DLG2: variants seen among roughly 807,000 people sequenced by gnomAD.
DLG2 encodes discs large MAGUK scaffold protein 2, also known as disks large homolog 2.
Under a neutral mutation model 132.5 loss-of-function variants are expected in DLG2, and 45 were observed. The ratio of observed to expected loss-of-function variants is 0.34; its 90% CI spans 0.27 to 0.44. The LOEUF is 0.44. DLG2 is among the 20% of genes least tolerant of loss of function. The probability of loss-of-function intolerance (pLI) is 1.00; values close to 1 mark genes in which losing one functional copy is unlikely to be tolerated. For missense variants in DLG2, 1,045 were observed against 1,196.9 expected, an observed-to-expected ratio of 0.87 and a Z score of 1.87; for synonymous variants, 424 against 419.6, an observed-to-expected ratio of 1.01 and a Z score of -0.13.
chr11:84,931,109 C>T (rs2048032426), intron 6 of DLG2, among the ~76,000 whole-genome samples: 1 of 152,054 alleles, frequency 6.6e-6, no homozygotes, highest in Admixed American at 6.6e-5. Flanking sequence ...CTTGAAACAC[C>T]CTTACCCTAC....
intron 15 of DLG2, among the ~76,000 whole-genome samples, chr11:83,894,122 C>T (rs2070825973): frequency 6.6e-6 from 1 of 152,192 alleles, no homozygotes; most frequent in African/African-American, 2.4e-5. Flanking sequence ...TCGTCTACCT[C>T]ATATTTGCTA....
chr11:83,833,535 G>T, intron 17 of DLG2, 79 bp downstream of exon 17: 1 of 1,408,986 alleles, frequency 7.1e-7, no homozygotes, highest in South Asian at 1.5e-5. Flanking sequence ...GGTGCTTTTG[G>T]TATCATAATT....
intron 18 of DLG2, among the ~76,000 whole-genome samples, chr11:83,781,908 A>G (rs2094844123): frequency 6.6e-6 from 1 of 152,250 alleles, no homozygotes; most frequent in South Asian, 2.1e-4. Flanking sequence ...ATGCTGTGTT[A>G]TCTTTTTTGA....
intron 4 of DLG2, among the ~76,000 whole-genome samples, chr11:85,174,720 A>G (rs1481164964): frequency 6.6e-6 from 1 of 152,196 alleles, no homozygotes; most frequent in Non-Finnish European, 1.5e-5. Flanking sequence ...GACACTAGCT[A>G]TACTAATAAA....
At chr11:84,929,138 G>C (rs1412259637) in intron 6 of DLG2, among the ~76,000 whole-genome samples, 1 of 149,680 alleles carries the variant, frequency 6.7e-6, no homozygotes, top group Non-Finnish European at 1.5e-5. Flanking sequence ...ACCATCCCCT[G>C]GTGTCCAGTG....
At chr11:84,818,945 G>T (rs941960653) in intron 6 of DLG2, among the ~76,000 whole-genome samples, 6 of 123,092 alleles carry the variant, frequency 4.9e-5, no homozygotes, top group Non-Finnish European at 9.4e-5. Context: ...TATCATCATT[G>T]CTGAGATCAG....
intron 6 of DLG2, among the ~76,000 whole-genome samples, chr11:84,657,850 C>G (rs142183543): frequency 1.3e-5 from 2 of 152,190 alleles, no homozygotes; most frequent in South Asian, 4.1e-4. Context: ...TATTGTCTAG[C>G]ATTGCAGCAA....
intron 3 of DLG2, among the ~76,000 whole-genome samples, chr11:85,343,646 G>C (rs57906670): frequency 0.047 from 7,074 of 151,604 alleles, 183 homozygotes; most frequent in Admixed American, 0.057. Context: ...ACACACACAC[G>C]CGCGTACACG....
At chr11:83,999,325 C>T (rs887347655) in intron 11 of DLG2, among the ~76,000 whole-genome samples, 1 of 152,184 alleles carries the variant, frequency 6.6e-6, no homozygotes, top group African/African-American at 2.4e-5. Context: ...TACTCCTCAG[C>T]TGGCACCTAC....
At chr11:83,784,794 A>G (rs1355791186) in intron 18 of DLG2, among the ~76,000 whole-genome samples, 1 of 152,196 alleles carries the variant, frequency 6.6e-6, no homozygotes, top group East Asian at 1.9e-4. Flanking sequence ...ATCACTATCG[A>G]GAGCTTCTAA....
At chr11:84,759,169 C>T (rs770223707) in intron 6 of DLG2, among the ~76,000 whole-genome samples, 3 of 152,166 alleles carry the variant, frequency 2.0e-5, no homozygotes, top group African/African-American at 4.8e-5. Flanking sequence ...TGAGACACTG[C>T]ACTCAGCCCT....
chr11:84,594,059 AAAT>A (rs1267681035), intron 6 of DLG2, among the ~76,000 whole-genome samples: 2 of 152,198 alleles, frequency 1.3e-5, no homozygotes, highest in Non-Finnish European at 2.9e-5. Flanking sequence ...ATGGCAGTGC[AAAT>A]AATGATGTAT....
intron 7 of DLG2, among the ~76,000 whole-genome samples, chr11:84,321,434 C>G (rs4944481): frequency 0.27 from 40,456 of 151,946 alleles, 5,620 homozygotes; most frequent in East Asian, 0.33. Flanking sequence ...CTCATTGATA[C>G]TATAATCTTT....
intron 18 of DLG2, among the ~76,000 whole-genome samples, chr11:83,717,313 C>A (rs1343898850): frequency 6.6e-6 from 1 of 152,096 alleles, no homozygotes; most frequent in Non-Finnish European, 1.5e-5. Flanking sequence ...TAAATGTTTG[C>A]TTTTCACTTT....
At chr11:83,891,812 T>C (rs1371223966) in intron 15 of DLG2, among the ~76,000 whole-genome samples, 2 of 152,206 alleles carry the variant, frequency 1.3e-5, no homozygotes, top group Admixed American at 6.5e-5. Context: ...ACTTTCCTTA[T>C]TGATTTTTCA....
At chr11:83,491,760 A>G (rs1428339644) in intron 21 of DLG2, among the ~76,000 whole-genome samples, 1 of 152,032 alleles carries the variant, frequency 6.6e-6, no homozygotes, top group African/African-American at 2.4e-5. Context: ...ATTTCTCCCA[A>G]GGAAATAGAG....
chr11:85,313,935 C>T (rs2080475351), intron 3 of DLG2, among the ~76,000 whole-genome samples: 1 of 151,824 alleles, frequency 6.6e-6, no homozygotes, highest in South Asian at 2.1e-4. Context: ...CAATAGAATT[C>T]CTGAAAAATT....
intron 18 of DLG2, chr11:83,646,629 G>C (rs139692235): frequency 6.6e-6 from 1 of 152,276 alleles, no homozygotes; most frequent in East Asian, 1.9e-4. Flanking sequence ...TGGTTCCTTC[G>C]CTCCTAGAAC....
intron 6 of DLG2, among the ~76,000 whole-genome samples, chr11:84,888,271 A>G (rs1036849557): frequency 1.3e-5 from 2 of 152,142 alleles, no homozygotes; most frequent in African/African-American, 2.4e-5. Flanking sequence ...ACTCTCACCA[A>G]TGTGGACAGG....
Sources: gnomAD v4.1 joint callset for allele counts (sites outside exome capture counted in the v4.1 genomes callset) on GRCh38, gnomAD v4.1.1 for gene constraint, MANE v1.5 for transcripts, NCBI Gene and HGNC (gene_info 2026-07-23, HGNC 2026-07-21) for gene names.